The following PAM variants were observed in gnomAD, a reference collection of about 807,000 sequenced individuals.
The protein encoded by PAM is peptidyl-glycine alpha-amidating monooxygenase.
In PAM, 72 loss-of-function variants were observed where a neutral mutation model predicts 122.1. That is an observed-to-expected ratio of 0.59 (90% CI 0.49 to 0.72). The LOEUF (loss-of-function observed/expected upper bound fraction) is 0.72. Among genes scored for constraint, PAM ranks in the 30% least tolerant of loss-of-function variants. The pLI is 0.00. For missense variants in PAM, 1,106 were observed against 1,183.7 expected (o/e 0.93, Z 0.96); for synonymous variants, 389 against 404.4 (o/e 0.96, Z 0.46).
chr5:102,855,228 A>G (rs1011581420), intron 1 of PAM, among the ~76,000 whole-genome samples: 5 of 152,188 alleles, frequency 3.3e-5, no homozygotes, highest in Non-Finnish European at 7.3e-5. Flanking sequence ...ATGTTTTGAC[A>G]TTCTTTGATG....
chr5:102,887,968 A>G (rs1352251834), intron 3 of PAM, among the ~76,000 whole-genome samples: 2 of 151,916 alleles, frequency 1.3e-5, no homozygotes, highest in Non-Finnish European at 2.9e-5. Flanking sequence ...TTAGAGTGCT[A>G]TGGTAGCTCT....
downstream of PAM, chr5:103,030,492 A>AT (rs1240107912): frequency 7.2e-5 from 11 of 152,362 alleles, no homozygotes; most frequent in African/African-American, 2.2e-4. Flanking sequence ...CATAAAGTAC[A>AT]TGAGAGTACA....
intron 1 of PAM, among the ~76,000 whole-genome samples, chr5:102,816,106 C>T (rs1029522998): frequency 2.0e-5 from 3 of 152,088 alleles, no homozygotes; most frequent in African/African-American, 7.2e-5. Context: ...ACTTATGCCT[C>T]CTGACAGCCA....
intron 23 of PAM, among the ~76,000 whole-genome samples, chr5:103,020,135 A>T (rs1783166156): frequency 6.6e-6 from 1 of 152,206 alleles, no homozygotes; most frequent in Non-Finnish European, 1.5e-5. Flanking sequence ...GAAGAAAAAA[A>T]GTCAGCCACT....
At chr5:102,954,749 A>G (rs1002063769) in intron 12 of PAM, among the ~76,000 whole-genome samples, 50 of 152,238 alleles carry the variant, frequency 3.3e-4, no homozygotes, top group African/African-American at 1.1e-3. Flanking sequence ...AAGTCAGCCA[A>G]TTAAGCTCAT....
At chr5:102,770,561 T>C (rs1755462974) in intron 1 of PAM, among the ~76,000 whole-genome samples, 1 of 152,116 alleles carries the variant, frequency 6.6e-6, no homozygotes, top group Non-Finnish European at 1.5e-5. Context: ...TTTCTGTGAG[T>C]TTTTATCATG....
At chr5:102,807,607 G>A (rs76177300) in intron 1 of PAM, among the ~76,000 whole-genome samples, 4,728 of 152,260 alleles carry the variant, frequency 0.031, 112 homozygotes, top group Non-Finnish European at 0.049. Context: ...AGACTGGGCA[G>A]CTGCCACCTC....
At chr5:102,832,186 G>A (rs1166598850) in intron 1 of PAM, among the ~76,000 whole-genome samples, 1 of 152,014 alleles carries the variant, frequency 6.6e-6, no homozygotes, top group African/African-American at 2.4e-5. Flanking sequence ...AATTATTTGG[G>A]GACGCACAGT....
intron 19 of PAM, among the ~76,000 whole-genome samples, 177 bp downstream of exon 19, chr5:103,007,188 T>TAC (rs1247892849): frequency 5.6e-5 from 6 of 106,490 alleles, no homozygotes; most frequent in African/African-American, 2.9e-4. Context: ...CACACACATA[T>TAC]ACATACACAC....
At chr5:102,779,899 A>ATG (rs1758190172) in intron 1 of PAM, among the ~76,000 whole-genome samples, 1 of 100,356 alleles carries the variant, frequency 1.0e-5, no homozygotes, top group Non-Finnish European at 1.9e-5. Flanking sequence ...ATATATATAT[A>ATG]TATATATATA....
At chr5:102,987,625 A>C (rs940854671) in intron 15 of PAM, 2 of 426,334 alleles carry the variant, frequency 4.7e-6, no homozygotes, top group Non-Finnish European at 9.2e-6. Flanking sequence ...AAAATATCAC[A>C]TGTACCCTAT....
At chr5:102,785,463 T>G (rs1042217590) in intron 1 of PAM, among the ~76,000 whole-genome samples, 3 of 152,212 alleles carry the variant, frequency 2.0e-5, no homozygotes, top group Non-Finnish European at 4.4e-5. Context: ...GGCAACCTGT[T>G]AGAGCTGTTA....
chr5:102,828,756 G>A (rs1206703338), intron 1 of PAM, among the ~76,000 whole-genome samples: 1 of 152,186 alleles, frequency 6.6e-6, no homozygotes, highest in African/African-American at 2.4e-5. Context: ...TAATGTAGCT[G>A]TGGCCTTGGT....
intron 5 of PAM, among the ~76,000 whole-genome samples, chr5:102,922,463 G>A (rs868167398): frequency 6.6e-6 from 1 of 152,162 alleles, no homozygotes; most frequent in Non-Finnish European, 1.5e-5. Context: ...TTAAAAAAGG[G>A]GGTGTTGTCT....
chr5:103,020,895 T>G (rs1022205151), intron 23 of PAM, among the ~76,000 whole-genome samples: 1 of 152,112 alleles, frequency 6.6e-6, no homozygotes, highest in African/African-American at 2.4e-5. Flanking sequence ...TTTGTAGAGA[T>G]CCAAGTGACA....
chr5:102,804,900 A>G (rs544525940), intron 1 of PAM, among the ~76,000 whole-genome samples: 1 of 152,278 alleles, frequency 6.6e-6, no homozygotes, highest in Non-Finnish European at 1.5e-5. Context: ...GAATTCACTT[A>G]GTTTAAGAAA....
Position 103,025,206 on chromosome 5 carries a change from A to G in PAM, c.2561A>G (p.Gln854Arg). ...SSELQKMQEK[Q>R]KLIKEPGSGV... ...GAATTGCAGAAGATGCAAGAGAAAC[A>G]GAAACTGATCAAAGAGCCAGGCTCG... is the stretch of plus-strand genomic sequence containing the variant. Residue 854 changes from glutamine (Q) to arginine (R), a missense_variant, in exon 24 of 26, where the codon CAG (glutamine) becomes CGG (arginine). Physicochemically the swap from Gln to Arg is conservative, Grantham distance 43. Transcript: ENST00000438793. 1 of 1,613,862 alleles carries G rather than the reference A, an allele frequency of 6.2e-7. No individual in the cohort carries two copies. Among genetic ancestry groups the G allele is most frequent in the South Asian group, 1.1e-5 (1 of 91,074 alleles).
chr5:102,929,825 AT>A (rs1310087529), intron 7 of PAM, among the ~76,000 whole-genome samples: 3 of 151,784 alleles, frequency 2.0e-5, no homozygotes, highest in Non-Finnish European at 2.9e-5. Context: ...CCCAACACAA[AT>A]TCATAAACTT....
intron 15 of PAM, among the ~76,000 whole-genome samples, chr5:102,980,623 GC>G (rs1769427099): frequency 6.6e-6 from 1 of 152,044 alleles, no homozygotes; most frequent in South Asian, 2.1e-4. Flanking sequence ...CTAAATCAAT[GC>G]CTTTATTCTT....
Sources: allele counts gnomAD v4.1 joint callset (sites outside exome capture counted in the v4.1 genomes callset), GRCh38; gene constraint gnomAD v4.1.1; transcripts MANE v1.5; gene names NCBI Gene and HGNC (gene_info 2026-07-23, HGNC 2026-07-21).